FECH: variants seen among roughly 807,000 people sequenced by gnomAD.
FECH encodes ferrochelatase, mitochondrial.
A neutral mutation model predicts 56.9 loss-of-function variants in FECH; 40 were observed. The ratio of observed to expected loss-of-function variants is 0.70; its 90% CI spans 0.55 to 0.92. The LOEUF is 0.92. Among genes scored for constraint, FECH ranks in the 40% least tolerant of loss-of-function variants. FECH has a pLI of 0.00. For synonymous variants in FECH, 175 were observed against 198.6 expected, an observed-to-expected ratio of 0.88 and a Z score of 1.00; for missense variants, 431 against 529.1, an observed-to-expected ratio of 0.81 and a Z score of 1.82.
intron 2 of FECH, among the ~76,000 whole-genome samples, chr18:57,573,888 C>T (rs747965107): frequency 2.0e-5 from 3 of 152,238 alleles, no homozygotes; most frequent in Non-Finnish European, 4.4e-5. Flanking sequence ...CTACACAGAG[C>T]AGGGTTCCCC....
At chr18:57,580,863 C>T (rs921035483) in intron 1 of FECH, among the ~76,000 whole-genome samples, 1 of 152,212 alleles carries the variant, frequency 6.6e-6, no homozygotes, top group Admixed American at 6.5e-5. Context: ...AAGCTCCACA[C>T]CCACTCCCAG....
At position 57,586,626 on chromosome 18, in the gene FECH, G is replaced by C. The variant is rs1187844544; in HGVS notation, c.-6C>G. 3 of 1,515,568 alleles carry C rather than the reference G, an allele frequency of 2.0e-6. No homozygotes were observed. The highest frequency in any genetic ancestry group is 4.0e-5 in the Admixed American group (2 of 49,606). 93.9% of individuals were successfully genotyped at this position (1,515,568 alleles called of 1,614,324 possible). On this transcript the variant is annotated 5_prime_UTR_variant, in exon 1 of 11. Coordinates refer to ENST00000262093, the MANE Select transcript of FECH (RefSeq NM_000140.5). ...TTTGCGCCGAGTGAACGCATTGCCT[G>C]GGCAGCCTCGGCCCGAGTCCGGGCT...
At chr18:57,554,494 CCCCT>C in intron 8 of FECH, 70 bp from the exon 9 acceptor site, 3 of 1,557,454 alleles carry the variant, frequency 1.9e-6, no homozygotes, top group African/African-American at 1.4e-5. Flanking sequence ...CCTGTTTGCC[CCCCT>C]GGGCACACGC....
intron 1 of FECH, among the ~76,000 whole-genome samples, chr18:57,581,137 T>C (rs970010117): frequency 3.9e-5 from 6 of 152,186 alleles, no homozygotes; most frequent in Non-Finnish European, 7.3e-5. Flanking sequence ...CTGCAGGAAC[T>C]CAGAGAGTTC....
At chr18:57,586,510 T>C in intron 1 of FECH, 44 bp downstream of exon 1, 3 of 1,517,194 alleles carry the variant, frequency 2.0e-6, no homozygotes, top group Non-Finnish European at 2.6e-6. Flanking sequence ...CCACGCCTTC[T>C]CAGGGATCCT....
intron 3 of FECH, 50 bp from the exon 4 acceptor site, chr18:57,571,590 C>T (rs952958078): frequency 6.2e-7 from 1 of 1,613,832 alleles, no homozygotes; most frequent in East Asian, 2.2e-5. Flanking sequence ...GCTTAGCAAC[C>T]TGAGAAATGT....
chr18:57,553,981 G>A (rs561176825), intron 9 of FECH, among the ~76,000 whole-genome samples: 2 of 152,230 alleles, frequency 1.3e-5, no homozygotes, highest in Admixed American at 1.3e-4. Flanking sequence ...TATTACTTTC[G>A]AGTAGCCCAG....
rs755390095 is a variant in FECH, at chr18:57,571,402, G to A, written c.453C>T (p.Ser151=). 2 of 1,613,946 alleles carry A rather than the reference G, an allele frequency of 1.2e-6. No individual in the cohort carries two copies. The highest frequency in any genetic ancestry group is 1.7e-5 in the Admixed American group (1 of 60,000). Residue 151 remains serine, a synonymous_variant, in exon 4 of 11, where the codon TCC becomes TCT. Coordinates refer to ENST00000262093, the MANE Select transcript of FECH (RefSeq NM_000140.5). Reference sequence around the variant, plus strand: ...GAAGAAACACCATACCTGTGTTGGGGGACAATTCATCCAGCAGCTTCACCA... The same window carrying A: ...GAAGAAACACCATACCTGTGTTGGGAGACAATTCATCCAGCAGCTTCACCA... The part of the protein sequence containing the change: ...EGMVKLLDEL[S]PNTAPHKYYI...
chr18:57,580,888 T>C (rs928743384), intron 1 of FECH, among the ~76,000 whole-genome samples: 4 of 152,304 alleles, frequency 2.6e-5, no homozygotes, highest in Admixed American at 2.6e-4. Flanking sequence ...TGTGCAGGCA[T>C]TTTTTCAGAT....
rs140648733 is a variant in FECH at position 57,555,008 on chromosome 18, C to A, written c.805-56G>T. 5.8e-5 allele frequency: 80 copies of A among 1,372,970 alleles called. No individual in the cohort carries two copies. In the East Asian group the frequency reaches 1.8e-3, roughly 31 times the overall value. The allele number at this position is 1,372,970 out of a possible 1,614,324, so 85.0% of individuals were successfully genotyped here. A position where few individuals can be genotyped will look rare whatever the true frequency, so the allele number is the denominator to read the frequency against. On this transcript the variant is annotated intron_variant, in intron 7 of 10. Transcript: ENST00000262093. ...ATTAACACTGGGAAGGCCCCGAGAGCCTCTGACTATGTGCTGACACAGTGT... is the reference window on the plus strand; with the variant it reads ...ATTAACACTGGGAAGGCCCCGAGAGACTCTGACTATGTGCTGACACAGTGT...
chr18:57,554,363 CT>C lies in FECH; in HGVS notation c.973del (p.Arg325GlyfsTer11). The C allele has an allele frequency of 1.2e-6, 2 of 1,614,232 alleles. No individual in the cohort carries two copies. The highest frequency in any genetic ancestry group is 1.7e-6 in the Non-Finnish European group (2 of 1,180,038). On this transcript the variant is annotated frameshift_variant, in exon 9 of 11. Coordinates refer to ENST00000262093, the MANE Select transcript of FECH (RefSeq NM_000140.5). LOFTEE classifies it high-confidence loss of function. ...AACCAAGAGGATATTCTTCCTCCCC[CT>C]CTCACAAAGCCCTTTGATAGATTCG... ...TDESIKGLCE[R>X]GRKNILLVPI...
At chr18:57,574,947 C>T (rs550591560) in intron 2 of FECH, among the ~76,000 whole-genome samples, 1 of 152,318 alleles carries the variant, frequency 6.6e-6, no homozygotes, top group African/African-American at 2.4e-5. Flanking sequence ...GACATCTTTA[C>T]CCCACAAAGA....
chr18:57,571,617 A>G (rs1471285850), intron 3 of FECH, 77 bp from the exon 4 acceptor site: 2 of 1,610,236 alleles, frequency 1.2e-6, no homozygotes, highest in Non-Finnish European at 1.7e-6. Context: ...CTCAATAAAA[A>G]AGAAAAAAAG....
Position 57,547,577 on chromosome 18 carries a change from C to T in FECH, c.*3135G>A, listed in dbSNP as rs755918718. Among the ~76,000 whole-genome samples the T allele has an allele frequency of 1.3e-5, 2 of 152,218 alleles. No individual in the cohort carries two copies. Among genetic ancestry groups the T allele is most frequent in the African/African-American group, 4.8e-5 (2 of 41,546 alleles). On this transcript the variant is annotated 3_prime_UTR_variant, in exon 11 of 11. Coordinates refer to ENST00000262093, the MANE Select transcript of FECH (RefSeq NM_000140.5). ...ATTTCCTAAGGCTTCCTCAGAAAGC[C>T]GAACCGAGTCAATTAAACCTCTTTC...
chr18:57,571,366 T>A (rs775229736), intron 4 of FECH, 26 bp downstream of exon 4: 1 of 1,611,062 alleles, frequency 6.2e-7, no homozygotes, highest in South Asian at 1.1e-5. Context: ...CTAATCTAGT[T>A]ACATGTTAAT....
chr18:57,555,007 G>A, intron 7 of FECH, 55 bp from the exon 8 acceptor site: 1 of 1,378,760 alleles, frequency 7.3e-7, no homozygotes. Flanking sequence ...GGCCCCGAGA[G>A]CCTCTGACTA....
chr18:57,576,725 C>A (rs577455178), intron 2 of FECH, among the ~76,000 whole-genome samples: 5 of 152,286 alleles, frequency 3.3e-5, no homozygotes, highest in African/African-American at 1.2e-4. Context: ...GAGATGCACA[C>A]GACTTGAAAA....
chr18:57,565,584 A>AG (rs917311716), intron 5 of FECH, among the ~76,000 whole-genome samples: 5 of 151,772 alleles, frequency 3.3e-5, no homozygotes, highest in Admixed American at 6.5e-5. Context: ...AAAAAAAAAA[A>AG]AAAGAAAGAA....
At chr18:57,579,235 G>A (rs1242044636) in intron 2 of FECH, among the ~76,000 whole-genome samples, 2 of 106,988 alleles carry the variant, frequency 1.9e-5, no homozygotes, top group Non-Finnish European at 4.1e-5. Context: ...GAGACAGAGT[G>A]AGACTCTCTC....
Sources: gnomAD v4.1 joint callset for allele counts (sites outside exome capture counted in the v4.1 genomes callset) on GRCh38, gnomAD v4.1.1 for gene constraint, MANE v1.5 for transcripts, NCBI Gene and HGNC (gene_info 2026-07-23, HGNC 2026-07-21) for gene names.